CYSLTR2: variants seen among roughly 807,000 people sequenced by gnomAD.
CYSLTR2 encodes the protein cysteinyl leukotriene receptor 2.
For missense variants in CYSLTR2, 398 were observed against 411.9 expected (o/e 0.97, Z 0.29); for synonymous variants, 179 against 160.8 (o/e 1.11, Z -0.86).
chr13:48,658,014 C>T lies in CYSLTR2; in HGVS notation c.-266+3997C>T, dbSNP rs184129041. 4.0e-4 allele frequency among the ~76,000 whole-genome samples: 61 copies of T among 152,062 alleles called. No individual in the cohort carries two copies. The East Asian group carries it at 9.9e-3, about 25-fold the overall frequency. ...TCTTACCTTAAAAATAAGGTAAATT[C>T]GCTGAGAGATATGTAAATCTCTTGT... On this transcript the variant is annotated intron_variant, in intron 1 of 4. Transcript: ENST00000682523.
chr13:48,689,171 G>C (rs189456254), intron 1 of CYSLTR2, among the ~76,000 whole-genome samples: 6 of 152,150 alleles, frequency 3.9e-5, no homozygotes, highest in Non-Finnish European at 7.4e-5. Context: ...TTGTCAGATG[G>C]ATAAATTGCA....
intron 3 of CYSLTR2, among the ~76,000 whole-genome samples, chr13:48,695,232 G>A (rs1010962652): frequency 2.6e-5 from 4 of 151,152 alleles, no homozygotes; most frequent in East Asian, 3.9e-4. Flanking sequence ...GCGCCACCAC[G>A]CCCAGCTAAT....
chr13:48,706,989 T>A lies in CYSLTR2; in HGVS notation c.172T>A (p.Leu58Met). Residue 58 changes from leucine (L) to methionine (M), a missense_variant, in exon 5 of 5, where the codon TTG (leucine) becomes ATG (methionine). Leu to Met is a conservative substitution (Grantham distance 15). Transcript: ENST00000682523. ...TTTCTGGGGAGTCTTGGGAAATGGG[T>A]TGTCCATATATGTTTTCCTGCAGCC... ...IFFWGVLGNG[L>M]SIYVFLQPYK... The A allele has an allele frequency of 6.2e-7, 1 of 1,614,148 alleles. No homozygotes were observed. Among genetic ancestry groups the A allele is most frequent in the Non-Finnish European group, 8.5e-7 (1 of 1,180,032 alleles).
chr13:48,675,961 C>T lies in CYSLTR2; in HGVS notation c.-265-15251C>T, dbSNP rs534742338. Among the ~76,000 whole-genome samples the T allele has an allele frequency of 5.1e-4, 78 of 152,314 alleles. 1 individual carries two copies. The highest frequency in any genetic ancestry group is 1.9e-3 in the South Asian group (9 of 4,828). ...CGATACCCCACTCTGCTTCTGCTCA[C>T]CCCCCATGGGCTGTGCCCACTGTCT... On this transcript the variant is annotated intron_variant, in intron 1 of 4. Coordinates refer to ENST00000682523, the MANE Select transcript of CYSLTR2 (RefSeq NM_001308476.3).
chr13:48,672,768 C>T (rs376698488), intron 1 of CYSLTR2, among the ~76,000 whole-genome samples: 2 of 151,982 alleles, frequency 1.3e-5, no homozygotes, highest in Non-Finnish European at 2.9e-5. Flanking sequence ...CAGACGCCTG[C>T]CACCACGCCC....
Position 48,707,958 on chromosome 13 carries a change from T to C in CYSLTR2, c.*100T>C. The C allele has an allele frequency of 5.1e-6, 5 of 988,206 alleles. No homozygotes were observed. Among genetic ancestry groups the C allele is most frequent in the Non-Finnish European group, 7.1e-6 (5 of 707,660 alleles). 61.2% of individuals were successfully genotyped at this position (988,206 alleles called of 1,614,324 possible). A position where few individuals can be genotyped will look rare whatever the true frequency, so the allele number is the denominator to read the frequency against. ...TATTTACATCACTCCCAACAAATGTTGATTCTTAATATTTAGTTGACCATT... is the reference window on the plus strand; with the variant it reads ...TATTTACATCACTCCCAACAAATGTCGATTCTTAATATTTAGTTGACCATT... On this transcript the variant is annotated 3_prime_UTR_variant, in exon 5 of 5. Coordinates refer to ENST00000682523, the MANE Select transcript of CYSLTR2 (RefSeq NM_001308476.3).
At chr13:48,661,871 C>T (rs1189439475) in intron 1 of CYSLTR2, among the ~76,000 whole-genome samples, 1 of 152,116 alleles carries the variant, frequency 6.6e-6, no homozygotes, top group African/African-American at 2.4e-5. Context: ...TCAATATCCT[C>T]CTTTGAACTA....
intron 1 of CYSLTR2, among the ~76,000 whole-genome samples, chr13:48,654,537 C>T (rs9595950): frequency 0.45 from 69,055 of 151,918 alleles, 17,785 homozygotes; most frequent in African/African-American, 0.72. Flanking sequence ...TTGGGTCCTT[C>T]TATTATATAA....
At chr13:48,668,959 G>A (rs767758303) in intron 1 of CYSLTR2, among the ~76,000 whole-genome samples, 10 of 151,954 alleles carry the variant, frequency 6.6e-5, no homozygotes, top group African/African-American at 1.2e-4. Context: ...TTATGGCTGC[G>A]TAGTATTCCA....
chr13:48,696,877 C>T (rs1057340216), intron 4 of CYSLTR2, among the ~76,000 whole-genome samples: 3 of 151,944 alleles, frequency 2.0e-5, no homozygotes, highest in Non-Finnish European at 2.9e-5. Flanking sequence ...ACGCCCGGCT[C>T]GGAGGGTCCC....
rs141655970 is a variant in CYSLTR2, at chr13:48,663,330, T to C, written c.-266+9313T>C. Among the ~76,000 whole-genome samples the C allele has an allele frequency of 1.4e-4, 22 of 152,336 alleles. 1 individual carries two copies. Among genetic ancestry groups the C allele is most frequent in the Admixed American group, 7.8e-4 (12 of 15,298 alleles). ...GTTTGCTTTAGCTATTTGGGTTCTT[T>C]TGTGGCTCCATACAAAGTTTAGAAC... is the stretch of plus-strand genomic sequence containing the variant. On this transcript the variant is annotated intron_variant, in intron 1 of 4. Coordinates refer to ENST00000682523, the MANE Select transcript of CYSLTR2 (RefSeq NM_001308476.3).
intron 1 of CYSLTR2, among the ~76,000 whole-genome samples, chr13:48,666,801 A>G (rs994528119): frequency 2.0e-5 from 3 of 151,940 alleles, no homozygotes; most frequent in African/African-American, 7.3e-5. Context: ...ATTATGAATC[A>G]TTTTCCTGAT....
intron 1 of CYSLTR2, among the ~76,000 whole-genome samples, chr13:48,684,491 C>T (rs1469459357): frequency 6.6e-6 from 1 of 151,746 alleles, no homozygotes; most frequent in African/African-American, 2.4e-5. Flanking sequence ...GTCATCAGCT[C>T]ATCCTTGGTA....
intron 4 of CYSLTR2, among the ~76,000 whole-genome samples, chr13:48,700,197 C>T (rs928013046): frequency 6.6e-6 from 1 of 151,788 alleles, no homozygotes; most frequent in African/African-American, 2.4e-5. Context: ...GATACCAAAG[C>T]CTGGCAGAGA....
At chr13:48,677,534 A>G (rs1047741055) in intron 1 of CYSLTR2, among the ~76,000 whole-genome samples, 1 of 152,142 alleles carries the variant, frequency 6.6e-6, no homozygotes, top group Non-Finnish European at 1.5e-5. Context: ...TTTCTGGTAG[A>G]CTGTACATTC....
At chr13:48,695,719 G>T (rs1309012487) in intron 3 of CYSLTR2, among the ~76,000 whole-genome samples, 3 of 152,190 alleles carry the variant, frequency 2.0e-5, no homozygotes, top group Non-Finnish European at 4.4e-5. Context: ...GCTCCCTAGA[G>T]ATTTATTCAA....
intron 1 of CYSLTR2, among the ~76,000 whole-genome samples, chr13:48,672,863 G>T (rs1045522705): frequency 6.6e-6 from 1 of 152,022 alleles, no homozygotes; most frequent in Non-Finnish European, 1.5e-5. Context: ...TGATCTGCCT[G>T]CCTTGGCCTC....
chr13:48,686,684 G>T (rs908395318), intron 1 of CYSLTR2, among the ~76,000 whole-genome samples: 7 of 152,128 alleles, frequency 4.6e-5, no homozygotes, highest in Admixed American at 1.3e-4. Context: ...TTTCTCTTTG[G>T]CTAGCTAAGA....
intron 1 of CYSLTR2, among the ~76,000 whole-genome samples, chr13:48,658,229 G>T (rs948152514): frequency 6.6e-6 from 1 of 152,084 alleles, no homozygotes; most frequent in Non-Finnish European, 1.5e-5. Flanking sequence ...ACCCTCTGTG[G>T]CTGCCTTCTG....
Sources: gnomAD v4.1 joint callset for allele counts (sites outside exome capture counted in the v4.1 genomes callset) on GRCh38, gnomAD v4.1.1 for gene constraint, MANE v1.5 for transcripts, NCBI Gene and HGNC (gene_info 2026-07-23, HGNC 2026-07-21) for gene names.